HEMK2: variants seen among roughly 807,000 people sequenced by gnomAD.
HEMK2 encodes HemK methyltransferase 2, ETF1 glutamine and histone H4 lysine.
chr21:28,626,709 A>T, the HEMK2 span: 2 of 152,110 alleles, frequency 1.3e-5, no homozygotes, highest in African/African-American at 2.4e-5. Context: ...TAAGTTAAAA[A>T]TTTTTTTAAA....
chr21:28,692,468 G>A, the HEMK2 span, among the ~76,000 whole-genome samples: 17 of 152,112 alleles, frequency 1.1e-4, no homozygotes, highest in Non-Finnish European at 1.5e-4. Flanking sequence ...GGAAAGTAAA[G>A]TAAAAATAGA....
chr21:28,841,068 A>T, the HEMK2 span, among the ~76,000 whole-genome samples: 1 of 39,092 alleles, frequency 2.6e-5, no homozygotes, highest in Admixed American at 4.8e-4. Context: ...ATATAAATAA[A>T]TATTATATAT....
the HEMK2 span, among the ~76,000 whole-genome samples, chr21:28,853,766 T>C: frequency 4.6e-5 from 7 of 151,966 alleles, no homozygotes; most frequent in Admixed American, 6.6e-5. Flanking sequence ...ACTATTGGAG[T>C]TGAGGAAGGT....
chr21:28,885,285 C>G, the HEMK2 span: 3 of 1,592,920 alleles, frequency 1.9e-6, no homozygotes, highest in Admixed American at 1.7e-5. Context: ...TCGTACACGT[C>G]GCTGAAGGCG....
the HEMK2 span, among the ~76,000 whole-genome samples, chr21:28,745,846 CAT>C: frequency 6.6e-6 from 1 of 152,212 alleles, no homozygotes; most frequent in Non-Finnish European, 1.5e-5. Flanking sequence ...TATACAAGAA[CAT>C]GTGAGCACTT....
the HEMK2 span, among the ~76,000 whole-genome samples, chr21:28,842,101 G>A: frequency 8.5e-5 from 13 of 152,238 alleles, no homozygotes; most frequent in African/African-American, 3.1e-4. Flanking sequence ...TGAACCTGGG[G>A]TGGTCTTAGG....
the HEMK2 span, among the ~76,000 whole-genome samples, chr21:28,811,461 G>A: frequency 7.3e-6 from 1 of 137,532 alleles, no homozygotes; most frequent in Non-Finnish European, 1.6e-5. Context: ...GGGAGGGAGG[G>A]AGAGGGAGGG....
the HEMK2 span, among the ~76,000 whole-genome samples, chr21:28,684,778 C>T: frequency 1.3e-5 from 2 of 152,154 alleles, no homozygotes; most frequent in South Asian, 4.1e-4. Context: ...GCTCCTGGGT[C>T]GAACATCCAA....
chr21:28,700,836 C>G, the HEMK2 span, among the ~76,000 whole-genome samples: 2 of 151,500 alleles, frequency 1.3e-5, no homozygotes, highest in Non-Finnish European at 2.9e-5. Flanking sequence ...CAGAAACACA[C>G]ACACACACAC....
At chr21:28,874,844 G>T in the HEMK2 span, 1 of 152,212 alleles carries the variant, frequency 6.6e-6, no homozygotes, top group Non-Finnish European at 1.5e-5. Flanking sequence ...CTATGAATTG[G>T]CATATAATTG....
chr21:28,831,528 AAAGAAG>A, the HEMK2 span, among the ~76,000 whole-genome samples: 11 of 73,486 alleles, frequency 1.5e-4, 1 homozygote, highest in African/African-American at 4.4e-4. Flanking sequence ...AGAAAGAAGG[AAAGAAG>A]GAAAGAAGGA....
chr21:28,700,796 G>A, the HEMK2 span, among the ~76,000 whole-genome samples: 1 of 150,770 alleles, frequency 6.6e-6, no homozygotes, highest in Admixed American at 6.6e-5. Context: ...CATTGTATGA[G>A]GCCAGTATCA....
At chr21:28,658,334 A>C in the HEMK2 span, among the ~76,000 whole-genome samples, 1 of 152,064 alleles carries the variant, frequency 6.6e-6, no homozygotes, top group South Asian at 2.1e-4. Context: ...GCCCGAAACC[A>C]ATAGAGTGGG....
the HEMK2 span, among the ~76,000 whole-genome samples, chr21:28,833,541 C>T: frequency 1.3e-5 from 2 of 152,208 alleles, no homozygotes; most frequent in Admixed American, 1.3e-4. Flanking sequence ...TTTAACTAAA[C>T]AGAAACTATT....
the HEMK2 span, among the ~76,000 whole-genome samples, chr21:28,709,545 C>G: frequency 6.6e-6 from 1 of 152,128 alleles, no homozygotes; most frequent in Non-Finnish European, 1.5e-5. Flanking sequence ...AGAAAAATTT[C>G]TTATATCCTT....
At chr21:28,871,797 T>C in the HEMK2 span, among the ~76,000 whole-genome samples, 1 of 152,194 alleles carries the variant, frequency 6.6e-6, no homozygotes, top group Non-Finnish European at 1.5e-5. Flanking sequence ...CTTGCCTGCC[T>C]CTTCCAGCCT....
the HEMK2 span, among the ~76,000 whole-genome samples, chr21:28,690,560 G>A: frequency 1.3e-5 from 2 of 151,874 alleles, no homozygotes; most frequent in Non-Finnish European, 2.9e-5. Flanking sequence ...AATAGAGAAC[G>A]AATACAATGC....
the HEMK2 span, among the ~76,000 whole-genome samples, chr21:28,582,934 C>T: frequency 6.6e-6 from 1 of 152,070 alleles, no homozygotes; most frequent in South Asian, 2.1e-4. Flanking sequence ...ACAGTACAAC[C>T]ATCAGGGTTT....
the HEMK2 span, among the ~76,000 whole-genome samples, chr21:28,601,558 C>A: frequency 2.0e-5 from 3 of 151,688 alleles, no homozygotes; most frequent in Admixed American, 1.3e-4. Flanking sequence ...CCTATCTCCT[C>A]CCTTGGTTTT....
Sources: gnomAD v4.1 joint callset for allele counts (sites outside exome capture counted in the v4.1 genomes callset) on GRCh38, gnomAD v4.1.1 for gene constraint, MANE v1.5 for transcripts, NCBI Gene and HGNC (gene_info 2026-07-23, HGNC 2026-07-21) for gene names.